Variants in MDGA2 observed in about 807,000 individuals in gnomAD.
MDGA2 encodes MAM domain-containing glycosylphosphatidylinositol anchor protein 2.
Under a neutral mutation model 117.8 loss-of-function variants are expected in MDGA2, and 40 were observed. The ratio of observed to expected loss-of-function variants is 0.34; its 90% CI spans 0.26 to 0.44. The LOEUF is 0.44. Ranked by LOEUF, MDGA2 falls within the 20% of genes least tolerant of loss-of-function variation. The pLI, the probability that MDGA2 is intolerant of heterozygous loss-of-function variation, is 1.00. For missense variants in MDGA2, 1,123 were observed against 1,250.6 expected (o/e 0.90, Z 1.54); for synonymous variants, 452 against 439.0 (o/e 1.03, Z -0.37).
chr14:46,981,477 C>T (rs1439277185), intron 8 of MDGA2, among the ~76,000 whole-genome samples: 5 of 152,102 alleles, frequency 3.3e-5, no homozygotes, highest in African/African-American at 1.2e-4. Flanking sequence ...TGCAAGTCAG[C>T]ATTTCAGGCA....
chr14:46,954,582 A>C (rs1411610371), intron 9 of MDGA2, among the ~76,000 whole-genome samples: 1 of 151,900 alleles, frequency 6.6e-6, no homozygotes. Flanking sequence ...TTGTGGTTGC[A>C]TTACTGCACA....
intron 1 of MDGA2, among the ~76,000 whole-genome samples, chr14:47,647,570 T>C (rs1897558170): frequency 6.6e-6 from 1 of 152,182 alleles, no homozygotes; most frequent in African/African-American, 2.4e-5. Flanking sequence ...AAACACTGTA[T>C]ACAATACTGA....
chr14:47,045,132 G>C (rs1238570174), intron 7 of MDGA2, among the ~76,000 whole-genome samples: 1 of 152,142 alleles, frequency 6.6e-6, no homozygotes, highest in African/African-American at 2.4e-5. Context: ...ATCATTCTCT[G>C]CATGGCATTC....
chr14:47,129,084 T>C (rs967398739), intron 5 of MDGA2, among the ~76,000 whole-genome samples: 1 of 144,770 alleles, frequency 6.9e-6, no homozygotes, highest in Non-Finnish European at 1.6e-5. Flanking sequence ...TAGAGCATTC[T>C]CTAGTTTTTT....
chr14:47,076,416 G>A (rs147239632), intron 6 of MDGA2, among the ~76,000 whole-genome samples: 72 of 151,984 alleles, frequency 4.7e-4, no homozygotes, highest in African/African-American at 1.6e-3. Flanking sequence ...CTTAACATAT[G>A]ACTCTCTGAA....
At chr14:47,401,872 T>C (rs1892156165) in intron 1 of MDGA2, among the ~76,000 whole-genome samples, 2 of 152,202 alleles carry the variant, frequency 1.3e-5, no homozygotes, top group Admixed American at 1.3e-4. Flanking sequence ...CATTGTGAAG[T>C]AGAATTAATA....
chr14:47,415,366 C>G (rs1892453353), intron 1 of MDGA2, among the ~76,000 whole-genome samples: 1 of 152,126 alleles, frequency 6.6e-6, no homozygotes, highest in Non-Finnish European at 1.5e-5. Context: ...CTTTGGATAT[C>G]TACACATATT....
chr14:47,106,408 C>A (rs548829378), intron 5 of MDGA2, among the ~76,000 whole-genome samples: 91 of 152,088 alleles, frequency 6.0e-4, no homozygotes, highest in African/African-American at 2.0e-3. Context: ...GCCTGAACCG[C>A]AGCAGCCAGG....
intron 1 of MDGA2, among the ~76,000 whole-genome samples, chr14:47,514,700 C>T (rs1894716021): frequency 6.6e-6 from 1 of 152,032 alleles, no homozygotes; most frequent in Admixed American, 6.6e-5. Context: ...AATAATAGTC[C>T]CAACTAAGGG....
At chr14:46,900,651 AATAATATAATT>A (rs1425896194) in intron 10 of MDGA2, among the ~76,000 whole-genome samples, 1 of 152,218 alleles carries the variant, frequency 6.6e-6, no homozygotes, top group East Asian at 1.9e-4. Flanking sequence ...ACAACTGTGA[AATAATATAATT>A]ATAGGGATGA....
intron 1 of MDGA2, among the ~76,000 whole-genome samples, chr14:47,560,334 G>A (rs1472319174): frequency 1.3e-5 from 2 of 152,000 alleles, no homozygotes; most frequent in African/African-American, 4.8e-5. Context: ...GCCTCCCAAA[G>A]TGCTGGGATT....
At chr14:47,034,866 G>C in intron 8 of MDGA2, 145 bp downstream of exon 8, 1 of 750,846 alleles carries the variant, frequency 1.3e-6, no homozygotes, top group African/African-American at 1.8e-5. Flanking sequence ...GTAGAATGTA[G>C]AAATAGTTCA....
At chr14:46,998,519 C>G (rs1356318652) in intron 8 of MDGA2, among the ~76,000 whole-genome samples, 1 of 152,098 alleles carries the variant, frequency 6.6e-6, no homozygotes, top group Non-Finnish European at 1.5e-5. Flanking sequence ...ATATCAAGCT[C>G]TTTTGCATTT....
Position 46,841,808 on chromosome 14 carries a change from T to C in MDGA2, c.*123A>G. On this transcript the variant is annotated 3_prime_UTR_variant, in exon 17 of 17. Coordinates refer to ENST00000399232, the MANE Select transcript of MDGA2 (RefSeq NM_001113498.3). ...TTAAAAAAATTTGTTTTTATTATTT[T>C]ATTTTTGAGTCAGTAGTCAGTGGAG... 1 of 607,526 alleles carries C rather than the reference T, an allele frequency of 1.6e-6. No homozygotes were observed. The highest frequency in any genetic ancestry group is 2.8e-6 in the Non-Finnish European group (1 of 362,802). The allele number at this position is 607,526 out of a possible 1,614,324, so 37.6% of individuals were successfully genotyped here.
At chr14:47,294,187 C>G (rs1040009667) in intron 2 of MDGA2, among the ~76,000 whole-genome samples, 3 of 151,066 alleles carry the variant, frequency 2.0e-5, no homozygotes, top group African/African-American at 7.3e-5. Context: ...CTTGACCTCC[C>G]CAGGCTCAAG....
intron 14 of MDGA2, among the ~76,000 whole-genome samples, chr14:46,870,563 G>T (rs1881954750): frequency 6.6e-6 from 1 of 151,910 alleles, no homozygotes; most frequent in South Asian, 2.1e-4. Flanking sequence ...TTTTTGCCTA[G>T]ATTTTAGTAA....
At chr14:47,210,807 C>T (rs1231664382) in intron 3 of MDGA2, among the ~76,000 whole-genome samples, 1 of 152,002 alleles carries the variant, frequency 6.6e-6, no homozygotes, top group Non-Finnish European at 1.5e-5. Flanking sequence ...CTGCTTGAGG[C>T]CAGGCATTTG....
intron 1 of MDGA2, among the ~76,000 whole-genome samples, chr14:47,438,982 A>C (rs2138542743): frequency 6.6e-6 from 1 of 152,238 alleles, no homozygotes; most frequent in African/African-American, 2.4e-5. Context: ...CTAATTTGCA[A>C]GTTGAATTAT....
In MDGA2 at chr14:47,061,626, T is replaced by C. The variant is rs1397986640; in HGVS notation, c.1196-48A>G. The C allele has an allele frequency of 3.5e-6, 5 of 1,447,786 alleles. No homozygotes were observed. The African/African-American group carries it at 7.1e-5, about 21-fold the overall frequency. 89.7% of individuals were successfully genotyped at this position (1,447,786 alleles called of 1,614,324 possible). A position where few individuals can be genotyped will look rare whatever the true frequency, so the allele number is the denominator to read the frequency against. ...GGAGTTAGTGTTACTTTCATAACTT[T>C]AAGGATTCATTAACTGTAGATAATC... On this transcript the variant is annotated intron_variant, in intron 6 of 16. Transcript: ENST00000399232.
Sources: allele counts gnomAD v4.1 joint callset (sites outside exome capture counted in the v4.1 genomes callset), GRCh38; gene constraint gnomAD v4.1.1; transcripts MANE v1.5; gene names NCBI Gene and HGNC (gene_info 2026-07-23, HGNC 2026-07-21).